XKR9: variants seen among roughly 807,000 people sequenced by gnomAD.
XKR9 encodes the protein XK-related protein 9.
A neutral mutation model predicts 32.0 loss-of-function variants in XKR9; 32 were observed. That is an observed-to-expected ratio of 1.00 (90% CI 0.76 to 1.34). The LOEUF (loss-of-function observed/expected upper bound fraction) is 1.34. Among genes scored for constraint, XKR9 ranks in the 40% most tolerant of loss-of-function variants. XKR9 has a pLI of 0.00. For missense variants in XKR9, 546 were observed against 429.7 expected (o/e 1.27, Z -2.39); for synonymous variants, 168 against 143.4 (o/e 1.17, Z -1.22).
In XKR9 at chr8:70,728,333, A is replaced by G. The variant is rs571789176; in HGVS notation, c.494-5463A>G. ...CTTCTCTAACTTCTTCCTGCTGATC[A>G]GGGGCATAGTGGGGGTAGGTGCTGA... On this transcript the variant is annotated intron_variant, in intron 4 of 4. Coordinates refer to ENST00000408926, the MANE Select transcript of XKR9 (RefSeq NM_001011720.2). Among the ~76,000 whole-genome samples, 3 of 152,326 alleles carry G rather than the reference A, an allele frequency of 2.0e-5. No homozygotes were observed. The East Asian group carries it at 5.8e-4, about 29-fold the overall frequency.
At chr8:70,737,445 T>C (rs1356331158), downstream of XKR9, among the ~76,000 whole-genome samples, 1 of 148,082 alleles carries the variant, frequency 6.8e-6, no homozygotes. Context: ...CTTTTCCTGA[T>C]TGAATACCCT....
At chr8:70,752,152 C>T (rs1266519004) in intron 2 of XKR9, among the ~76,000 whole-genome samples, 1 of 152,158 alleles carries the variant, frequency 6.6e-6, no homozygotes, top group Admixed American at 6.5e-5. Context: ...CACAATCTGC[C>T]TTCTGTTTAT....
the XKR9 span, among the ~76,000 whole-genome samples, chr8:70,866,422 C>T: frequency 2.6e-5 from 4 of 152,056 alleles, no homozygotes; most frequent in Non-Finnish European, 5.9e-5. Flanking sequence ...AAGGCAGTGG[C>T]ATTTTCATTC....
chr8:70,764,128 T>C (rs1438297894), intron 2 of XKR9, among the ~76,000 whole-genome samples: 2 of 152,210 alleles, frequency 1.3e-5, no homozygotes, highest in Non-Finnish European at 2.9e-5. Context: ...CTTGGGATCT[T>C]CTCATTCTTT....
chr8:70,774,565 G>A (rs1807494705), intron 2 of XKR9, among the ~76,000 whole-genome samples: 1 of 152,024 alleles, frequency 6.6e-6, no homozygotes, highest in African/African-American at 2.4e-5. Flanking sequence ...AGGCCATTTG[G>A]GGTGTTCTTT....
the XKR9 span, among the ~76,000 whole-genome samples, chr8:70,950,447 A>C: frequency 3.9e-5 from 6 of 152,122 alleles, no homozygotes; most frequent in Admixed American, 3.9e-4. Flanking sequence ...AGGCAGAAGT[A>C]GCAGCAAAGG....
chr8:70,729,947 T>C (rs1317779454), intron 4 of XKR9, among the ~76,000 whole-genome samples: 1 of 152,238 alleles, frequency 6.6e-6, no homozygotes, highest in African/African-American at 2.4e-5. Flanking sequence ...TGACATACTT[T>C]ATAATTTGAT....
At chr8:71,028,820 A>G in the XKR9 span, among the ~76,000 whole-genome samples, 2 of 152,326 alleles carry the variant, frequency 1.3e-5, no homozygotes, top group Admixed American at 1.3e-4. Context: ...ACCTAATACT[A>G]TGCAGCTAAC....
intron 1 of XKR9, 40 bp downstream of exon 1, chr8:70,669,578 A>C: frequency 5.4e-6 from 1 of 184,224 alleles, no homozygotes; most frequent in Non-Finnish European, 1.1e-5. Flanking sequence ...AATGTCAGGA[A>C]GGATTGCCAG....
rs188381209 is a variant in XKR9, at chr8:70,704,758, C to G, written c.273-2175C>G. 2.6e-4 allele frequency among the ~76,000 whole-genome samples: 39 copies of G among 152,258 alleles called. 1 individual carries two copies. The East Asian group carries it at 6.4e-3, about 25-fold the overall frequency. On this transcript the variant is annotated intron_variant, in intron 3 of 4. Transcript: ENST00000408926. Reference sequence around the variant, plus strand: ...ATTGGATTATAAACAACTTCAAGAACAGGAATCACATACTCTCTACTATGT... The same window carrying G: ...ATTGGATTATAAACAACTTCAAGAAGAGGAATCACATACTCTCTACTATGT...
the XKR9 span, among the ~76,000 whole-genome samples, chr8:70,913,012 A>G: frequency 1.3e-5 from 2 of 152,170 alleles, no homozygotes; most frequent in Non-Finnish European, 2.9e-5. Context: ...TAGCACATGA[A>G]AAAAACTAAC....
At chr8:70,888,667 C>G in the XKR9 span, among the ~76,000 whole-genome samples, 2 of 151,840 alleles carry the variant, frequency 1.3e-5, no homozygotes, top group African/African-American at 4.8e-5. Context: ...ATTTTTTTTG[C>G]ATATGTATAT....
At chr8:70,903,098 C>CA in the XKR9 span, among the ~76,000 whole-genome samples, 1 of 147,668 alleles carries the variant, frequency 6.8e-6, no homozygotes, top group African/African-American at 2.5e-5. Context: ...GTCTAAAATT[C>CA]TTTTTTTTTT....
chr8:70,894,848 G>T, the XKR9 span, among the ~76,000 whole-genome samples: 1 of 152,090 alleles, frequency 6.6e-6, no homozygotes, highest in Non-Finnish European at 1.5e-5. Context: ...TCAGCTTGGG[G>T]CTGTTGGGAC....
chr8:70,739,096 G>A (rs1455093670), downstream of XKR9, among the ~76,000 whole-genome samples: 1 of 151,810 alleles, frequency 6.6e-6, no homozygotes, highest in East Asian at 1.9e-4. Context: ...TTATTGTGTG[G>A]GAATCTAAGT....
chr8:70,793,280 T>G (rs546543944), downstream of XKR9, among the ~76,000 whole-genome samples: 1 of 152,168 alleles, frequency 6.6e-6, no homozygotes, highest in South Asian at 2.1e-4. Flanking sequence ...TATGGAAGTA[T>G]TGAGAGGTGA....
the XKR9 span, among the ~76,000 whole-genome samples, chr8:70,823,063 G>C: frequency 6.6e-6 from 1 of 152,146 alleles, no homozygotes; most frequent in Non-Finnish European, 1.5e-5. Context: ...CTGTCTGCTA[G>C]AGTTTCAAAG....
chr8:70,959,086 C>T, the XKR9 span, among the ~76,000 whole-genome samples: 21 of 152,038 alleles, frequency 1.4e-4, no homozygotes, highest in African/African-American at 5.1e-4. Flanking sequence ...ACACATCAGT[C>T]TTTTTATAAA....
At chr8:70,871,323 G>A in the XKR9 span, among the ~76,000 whole-genome samples, 1 of 151,788 alleles carries the variant, frequency 6.6e-6, no homozygotes, top group African/African-American at 2.4e-5. Flanking sequence ...GTTTTATTGG[G>A]GTTCATTGTA....
Sources: gnomAD v4.1 joint callset for allele counts (sites outside exome capture counted in the v4.1 genomes callset) on GRCh38, gnomAD v4.1.1 for gene constraint, MANE v1.5 for transcripts, NCBI Gene and HGNC (gene_info 2026-07-23, HGNC 2026-07-21) for gene names.